USP4: variants seen among roughly 807,000 people sequenced by gnomAD.
USP4 encodes the protein ubiquitin specific peptidase 4, also known as ubiquitin carboxyl-terminal hydrolase 4.
In USP4, 72 loss-of-function variants were observed where a neutral mutation model predicts 118.2. The observed-to-expected ratio is 0.61, with a 90% CI of 0.50 to 0.74. USP4 has a LOEUF of 0.74. USP4 is among the 30% of genes least tolerant of loss of function. USP4 has a pLI of 0.00. For missense variants in USP4, 1,037 were observed against 1,185.7 expected (o/e 0.87, Z 1.84); for synonymous variants, 415 against 440.4 (o/e 0.94, Z 0.72).
chr3:49,332,605 T>C (rs1043191187), intron 2 of USP4, among the ~76,000 whole-genome samples: 1 of 151,866 alleles, frequency 6.6e-6, no homozygotes, highest in Non-Finnish European at 1.5e-5. Context: ...TCCCAGCACT[T>C]TGAGAGGCCG....
In USP4 at chr3:49,300,545, C is replaced by T. The variant is rs781693305; in HGVS notation, c.1434G>A (p.Thr478=). 2.4e-5 allele frequency: 39 copies of T among 1,614,000 alleles called. No homozygotes were observed. Among genetic ancestry groups the T allele is most frequent in the Admixed American group, 5.0e-5 (3 of 59,980 alleles). The stretch of plus-strand genomic sequence containing the variant: ...GATCTTTCTTCAAGGGCAGTGGCAG[C>T]GTTAGATAGCAAAATGGGTCAAAGG... ...SVTFDPFCYL[T]LPLPLKKDRV... The change falls in exon 11 of 22, where the codon ACG becomes ACA. Residue 478 remains threonine, a synonymous_variant. Coordinates refer to ENST00000265560, the MANE Select transcript of USP4 (RefSeq NM_003363.4).
rs746582218 is a variant in USP4 at position 49,305,900 on chromosome 3, C to T, written c.955-12G>A. On this transcript the variant is annotated splice_polypyrimidine_tract_variant and intron_variant, in intron 8 of 21. Coordinates refer to ENST00000265560, the MANE Select transcript of USP4 (RefSeq NM_003363.4). Reference sequence around the variant, plus strand: ...GTGTTGCTCAAACACTGAAACAGAACATGATGAGGGCTTTACACACCTTCT... The same window carrying T: ...GTGTTGCTCAAACACTGAAACAGAATATGATGAGGGCTTTACACACCTTCT... The T allele has an allele frequency of 1.9e-5, 31 of 1,610,398 alleles. No individual in the cohort carries two copies. The South Asian group carries it at 3.0e-4, about 16-fold the overall frequency.
chr3:49,287,869 T>TA (rs2047113481), intron 15 of USP4, among the ~76,000 whole-genome samples: 1 of 152,200 alleles, frequency 6.6e-6, no homozygotes, highest in Admixed American at 6.5e-5. Context: ...AAAGGTCTCT[T>TA]AGGTGCAGGT....
chr3:49,284,845 C>T lies in USP4; in HGVS notation c.2271+4G>A. 2.5e-6 allele frequency: 4 copies of T among 1,613,562 alleles called. No homozygotes were observed. The highest frequency in any genetic ancestry group is 3.4e-6 in the Non-Finnish European group (4 of 1,179,612). ...CCACCGACCACGAACCCCGAGGGAC[C>T]TACCTCAGATTCTTGCTCATCATAG... On this transcript the variant is annotated splice_donor_region_variant and intron_variant, in intron 17 of 21. Coordinates refer to ENST00000265560, the MANE Select transcript of USP4 (RefSeq NM_003363.4).
chr3:49,285,246 G>A (rs2047080272), intron 16 of USP4, among the ~76,000 whole-genome samples: 1 of 151,930 alleles, frequency 6.6e-6, no homozygotes, highest in African/African-American at 2.4e-5. Flanking sequence ...CTGACAAAAT[G>A]GATGAAACAA....
At chr3:49,331,619 C>T (rs534433463) in intron 2 of USP4, among the ~76,000 whole-genome samples, 1 of 152,042 alleles carries the variant, frequency 6.6e-6, no homozygotes, top group African/African-American at 2.4e-5. Context: ...AGATTCTGTC[C>T]CAGAAAAATA....
intron 16 of USP4, among the ~76,000 whole-genome samples, chr3:49,285,142 G>A (rs1027776556): frequency 6.6e-6 from 1 of 152,114 alleles, no homozygotes; most frequent in Non-Finnish European, 1.5e-5. Flanking sequence ...GATAAGCTAC[G>A]AAGGAACTAA....
Position 49,310,734 on chromosome 3 carries a change from T to G in USP4, c.840A>C (p.Gly280=). ...AATTATACGAAGCAGAAAAGCCAGATCCACTGGAAAACACAACACACATCA... is the reference window on the plus strand; with the variant it reads ...AATTATACGAAGCAGAAAAGCCAGAGCCACTGGAAAACACAACACACATCA... ...GMHSSGVSRG[G]SGFSASYNCQ... Residue 280 remains glycine (G), a synonymous_variant, in exon 8 of 22, where the codon GGA becomes GGC. Transcript: ENST00000265560. 1 of 1,612,928 alleles carries G rather than the reference T, an allele frequency of 6.2e-7. No individual in the cohort carries two copies. The highest frequency in any genetic ancestry group is 1.1e-5 in the South Asian group (1 of 91,060).
Position 49,296,591 on chromosome 3 carries a change from G to A in USP4, c.1691+1279C>T, listed in dbSNP as rs1049828503. ...ATGAACCCGGGAGGCAGAGCTTGCA[G>A]TGAGCCGAGATTGCGCCACTGCACT... On this transcript the variant is annotated intron_variant, in intron 13 of 21. Coordinates refer to ENST00000265560, the MANE Select transcript of USP4 (RefSeq NM_003363.4). 7.2e-5 allele frequency among the ~76,000 whole-genome samples: 11 copies of A among 152,226 alleles called. No homozygotes were observed. In the East Asian group the frequency reaches 1.9e-3, roughly 27 times the overall value.
rs562654255 is a variant in USP4, at chr3:49,277,388, A to T, written c.*905T>A. On this transcript the variant is annotated 3_prime_UTR_variant, in exon 22 of 22. Transcript: ENST00000265560. ...GCTTTCGAATGGGGGCCCCGGGAAG[A>T]GTCTTGGCAGGGATGAGGAAAGAAC... The T allele has an allele frequency of 4.8e-5, 21 of 436,064 alleles. 1 individual carries two copies. The highest frequency in any genetic ancestry group is 3.8e-4 in the South Asian group (18 of 47,924). 27.0% of individuals were successfully genotyped at this position (436,064 alleles called of 1,614,324 possible). A position where few individuals can be genotyped will look rare whatever the true frequency, so the allele number is the denominator to read the frequency against.
intron 6 of USP4, among the ~76,000 whole-genome samples, chr3:49,315,857 C>T (rs886872690): frequency 6.6e-6 from 1 of 152,304 alleles, no homozygotes; most frequent in African/African-American, 2.4e-5. Flanking sequence ...ACTCCACTTG[C>T]TTCTCAGATG....
Position 49,324,783 on chromosome 3 carries a change from A to G in USP4, c.634-20T>C, listed in dbSNP as rs774467915. On this transcript the variant is annotated intron_variant, in intron 5 of 21. Transcript: ENST00000265560. Reference sequence around the variant, plus strand: ...TAGCACCTGAGTGAAAGGGGAAACCAAATGAGGAGAGTTCAAACCACCGCA... The same window carrying G: ...TAGCACCTGAGTGAAAGGGGAAACCGAATGAGGAGAGTTCAAACCACCGCA... 5 of 1,614,068 alleles carry G rather than the reference A, an allele frequency of 3.1e-6. No individual in the cohort carries two copies.
rs1177963890 is a variant in USP4, at chr3:49,280,991, C to G, written c.2541-144G>C. On this transcript the variant is annotated intron_variant, in intron 19 of 21. Coordinates refer to ENST00000265560, the MANE Select transcript of USP4 (RefSeq NM_003363.4). ...TCGAGAGAGACCAAGATGGAAGGGA[C>G]TCTAGGATCCATGTTCTGACCACTG... 9.6e-6 allele frequency: 6 copies of G among 625,052 alleles called. No individual in the cohort carries two copies. The African/African-American group carries it at 1.1e-4, about 12-fold the overall frequency. 38.7% of individuals were successfully genotyped at this position (625,052 alleles called of 1,614,324 possible).
chr3:49,338,794 T>G (rs1190348395), intron 1 of USP4, among the ~76,000 whole-genome samples: 1 of 152,138 alleles, frequency 6.6e-6, no homozygotes, highest in African/African-American at 2.4e-5. Flanking sequence ...CTAACCCCAA[T>G]TTTTCTATTC....
In USP4 at chr3:49,277,222, C is replaced by A; in HGVS notation, c.*1071G>T. 1 of 1,324,566 alleles carries A rather than the reference C, an allele frequency of 7.5e-7. No individual in the cohort carries two copies. Among genetic ancestry groups the A allele is most frequent in the Non-Finnish European group, 9.9e-7 (1 of 1,012,012 alleles). 82.1% of individuals were successfully genotyped at this position (1,324,566 alleles called of 1,614,324 possible). On this transcript the variant is annotated 3_prime_UTR_variant, in exon 22 of 22. Coordinates refer to ENST00000265560, the MANE Select transcript of USP4 (RefSeq NM_003363.4). ...TGACGCCGACCCATCCAACGGTCAT[C>A]GCATGCGCGTGCCCCGCGCAGGCCC...
chr3:49,331,345 T>C (rs1456297928), intron 2 of USP4, among the ~76,000 whole-genome samples: 1 of 149,132 alleles, frequency 6.7e-6, no homozygotes, highest in Non-Finnish European at 1.5e-5. Context: ...GGTAAACTTG[T>C]TGTGGTGGCT....
chr3:49,314,497 A>T (rs73830706), intron 6 of USP4, among the ~76,000 whole-genome samples: 3,695 of 152,244 alleles, frequency 0.024, 162 homozygotes, highest in African/African-American at 0.085. Flanking sequence ...CATGTGTTCA[A>T]TCCTGTCCAG....
chr3:49,317,205 C>T (rs201370976), intron 6 of USP4: 5 of 1,501,596 alleles, frequency 3.3e-6, no homozygotes, highest in Non-Finnish European at 2.8e-6. Context: ...GGTAGGTGGC[C>T]TCCGTCTCCG....
intron 8 of USP4, among the ~76,000 whole-genome samples, chr3:49,307,439 G>A (rs2047330740): frequency 6.6e-6 from 1 of 151,450 alleles, no homozygotes; most frequent in Admixed American, 6.6e-5. Context: ...AAGTGAGAAT[G>A]TAAGTCTTTA....
Sources: allele counts gnomAD v4.1 joint callset (sites outside exome capture counted in the v4.1 genomes callset), GRCh38; gene constraint gnomAD v4.1.1; transcripts MANE v1.5; gene names NCBI Gene and HGNC (gene_info 2026-07-23, HGNC 2026-07-21).